DNAJC1: variants seen among roughly 807,000 people sequenced by gnomAD.
DNAJC1 encodes dnaJ homolog subfamily C member 1.
In DNAJC1, 58 loss-of-function variants were observed where a neutral mutation model predicts 76.6. The observed-to-expected ratio is 0.76, with a 90% confidence interval of 0.61 to 0.94. The LOEUF is 0.94. Ranked by LOEUF, DNAJC1 falls within the 40% of genes least tolerant of loss-of-function variation. DNAJC1 has a pLI of 0.00. For synonymous variants in DNAJC1, 258 were observed against 267.9 expected, an observed-to-expected ratio of 0.96 and a Z score of 0.36; for missense variants, 689 against 677.3, an observed-to-expected ratio of 1.02 and a Z score of -0.19.
intron 1 of DNAJC1, among the ~76,000 whole-genome samples, chr10:21,941,095 CAAAA>C (rs1208799870): frequency 3.6e-4 from 14 of 39,166 alleles, no homozygotes; most frequent in African/African-American, 1.2e-3. Flanking sequence ...ACTAAAAATA[CAAAA>C]AAAAAAAAAA....
chr10:21,861,258 A>ATAT (rs1429611188), intron 8 of DNAJC1, among the ~76,000 whole-genome samples: 1 of 152,216 alleles, frequency 6.6e-6, no homozygotes, highest in Non-Finnish European at 1.5e-5. Context: ...AAATGAAAAG[A>ATAT]GTATAGAACT....
intron 8 of DNAJC1, among the ~76,000 whole-genome samples, chr10:21,848,406 T>G (rs1835695202): frequency 6.6e-6 from 1 of 152,224 alleles, no homozygotes; most frequent in Non-Finnish European, 1.5e-5. Context: ...GCTGTCTCTT[T>G]GTTGCTTCCT....
At chr10:21,888,191 T>C (rs1836398723) in intron 7 of DNAJC1, among the ~76,000 whole-genome samples, 1 of 152,132 alleles carries the variant, frequency 6.6e-6, no homozygotes, top group African/African-American at 2.4e-5. Context: ...TGAGATACCA[T>C]CTCTATCCAG....
intron 8 of DNAJC1, among the ~76,000 whole-genome samples, chr10:21,840,634 T>C (rs1484413192): frequency 1.3e-5 from 2 of 152,174 alleles, no homozygotes; most frequent in Admixed American, 1.3e-4. Context: ...CATTCCATGC[T>C]CATGGGTAGG....
In DNAJC1 at chr10:21,823,070, G is replaced by T. The variant is rs569611010; in HGVS notation, c.979-16971C>A. Among the ~76,000 whole-genome samples the T allele has an allele frequency of 7.9e-5, 12 of 152,084 alleles. No homozygotes were observed. The South Asian group carries it at 2.5e-3, about 32-fold the overall frequency. On this transcript the variant is annotated intron_variant, in intron 8 of 11. Transcript: ENST00000376980. ...GGCAGGGAAAACATAATAAAGAGGA[G>T]TAATTTGTAAATCATGACAATTTTA...
intron 8 of DNAJC1, among the ~76,000 whole-genome samples, chr10:21,821,819 A>G (rs185463254): frequency 5.3e-5 from 8 of 151,142 alleles, no homozygotes; most frequent in Non-Finnish European, 1.2e-4. Context: ...CAGGCAGAAC[A>G]TTTTCTGTTA....
chr10:21,757,391 T>C (rs1041890197), intron 11 of DNAJC1, among the ~76,000 whole-genome samples: 5 of 152,174 alleles, frequency 3.3e-5, no homozygotes, highest in African/African-American at 4.8e-5. Flanking sequence ...TATTCTCACA[T>C]TGATCACAGG....
intron 1 of DNAJC1, among the ~76,000 whole-genome samples, chr10:21,995,026 G>T (rs1838393547): frequency 6.6e-6 from 1 of 150,888 alleles, no homozygotes; most frequent in African/African-American, 2.4e-5. Context: ...AGTCAGAAAA[G>T]AACCTAAATA....
At chr10:21,991,854 C>T (rs1259028423) in intron 1 of DNAJC1, among the ~76,000 whole-genome samples, 8 of 152,112 alleles carry the variant, frequency 5.3e-5, no homozygotes, top group Non-Finnish European at 7.4e-5. Context: ...GATTTGGGTA[C>T]GTGAATGTAC....
intron 8 of DNAJC1, among the ~76,000 whole-genome samples, chr10:21,836,492 G>A (rs1835457786): frequency 6.6e-6 from 1 of 152,194 alleles, no homozygotes; most frequent in Admixed American, 6.5e-5. Flanking sequence ...AACCTGAAAT[G>A]TAAATAGGCT....
At chr10:21,800,567 TG>T (rs1290273324) in intron 9 of DNAJC1, among the ~76,000 whole-genome samples, 1 of 152,222 alleles carries the variant, frequency 6.6e-6, no homozygotes, top group Admixed American at 6.5e-5. Flanking sequence ...AATGATATCA[TG>T]GCAGCATGGG....
intron 7 of DNAJC1, among the ~76,000 whole-genome samples, chr10:21,882,876 T>C (rs1836304591): frequency 6.6e-6 from 1 of 152,168 alleles, no homozygotes; most frequent in Admixed American, 6.5e-5. Flanking sequence ...TATTTTTCAA[T>C]ATTTTACAAA....
intron 8 of DNAJC1, among the ~76,000 whole-genome samples, chr10:21,816,128 T>G: frequency 6.7e-6 from 1 of 148,224 alleles, no homozygotes; most frequent in Non-Finnish European, 1.5e-5. Context: ...AGCACTTTGG[T>G]GGGCTGAGGC....
chr10:21,944,386 T>A (rs759339089), intron 1 of DNAJC1, among the ~76,000 whole-genome samples: 1 of 152,214 alleles, frequency 6.6e-6, no homozygotes, highest in Non-Finnish European at 1.5e-5. Context: ...ATACTGACTT[T>A]CTCTTCAAAG....
chr10:21,998,670 A>AC (rs1392873986), intron 1 of DNAJC1, among the ~76,000 whole-genome samples: 1 of 151,998 alleles, frequency 6.6e-6, no homozygotes, highest in African/African-American at 2.4e-5. Context: ...ATCTGTATAT[A>AC]CCCCCCAACA....
At chr10:21,919,784 G>T (rs2131768667) in intron 5 of DNAJC1, 48 bp downstream of exon 5, 1 of 1,279,102 alleles carries the variant, frequency 7.8e-7, no homozygotes, top group Non-Finnish European at 1.1e-6. Flanking sequence ...TATTAAAGAT[G>T]TATTTTAAAA....
intron 8 of DNAJC1, among the ~76,000 whole-genome samples, chr10:21,849,840 A>C (rs529567644): frequency 3.9e-4 from 59 of 152,290 alleles, no homozygotes; most frequent in African/African-American, 1.3e-3. Context: ...AATACATCAC[A>C]TTAATAGATA....
chr10:21,808,219 T>C (rs906951488), intron 8 of DNAJC1, among the ~76,000 whole-genome samples: 15 of 152,192 alleles, frequency 9.9e-5, no homozygotes, highest in African/African-American at 3.6e-4. Context: ...CTACAATGTC[T>C]AAAATATAAA....
chr10:21,804,908 G>A (rs544582079), intron 9 of DNAJC1, among the ~76,000 whole-genome samples: 2 of 152,160 alleles, frequency 1.3e-5, no homozygotes, highest in African/African-American at 4.8e-5. Flanking sequence ...CCAAAAGTCT[G>A]AAATTGCTCA....
Sources: allele counts gnomAD v4.1 joint callset (sites outside exome capture counted in the v4.1 genomes callset), GRCh38; gene constraint gnomAD v4.1.1; transcripts MANE v1.5; gene names NCBI Gene and HGNC (gene_info 2026-07-23, HGNC 2026-07-21).